AGTPBP1: variants seen among roughly 807,000 people sequenced by gnomAD.
The protein encoded by AGTPBP1 is cytosolic carboxypeptidase 1.
A neutral mutation model predicts 143.9 loss-of-function variants in AGTPBP1; 70 were observed. The ratio of observed to expected loss-of-function variants is 0.49; its 90% confidence interval spans 0.40 to 0.59. AGTPBP1 has a LOEUF of 0.59. AGTPBP1 is among the 20% of genes least tolerant of loss of function. The pLI, the probability that AGTPBP1 is intolerant of heterozygous loss-of-function variation, is 0.00. For synonymous variants in AGTPBP1, 463 were observed against 500.2 expected, an observed-to-expected ratio of 0.93 and a Z score of 0.99; for missense variants, 1,229 against 1,464.5, an observed-to-expected ratio of 0.84 and a Z score of 2.62.
intron 17 of AGTPBP1, among the ~76,000 whole-genome samples, chr9:85,611,263 G>A (rs1587733947): frequency 1.6e-5 from 2 of 128,146 alleles, no homozygotes; most frequent in East Asian, 4.5e-4. Context: ...AAAATAGAAA[G>A]CATAAAAACC....
chr9:85,609,113 G>A (rs560876195), intron 17 of AGTPBP1, among the ~76,000 whole-genome samples: 19 of 152,136 alleles, frequency 1.2e-4, no homozygotes, highest in African/African-American at 4.6e-4. Flanking sequence ...GTGTATGTGT[G>A]TTTGTGTGAT....
intron 3 of AGTPBP1, among the ~76,000 whole-genome samples, chr9:85,689,437 T>A (rs372519615): frequency 2.0e-5 from 3 of 152,208 alleles, no homozygotes; most frequent in African/African-American, 7.2e-5. Flanking sequence ...TTATTCATAA[T>A]AGCTGCATAA....
intron 12 of AGTPBP1, among the ~76,000 whole-genome samples, chr9:85,644,415 T>G (rs1201578879): frequency 1.3e-5 from 2 of 148,656 alleles, no homozygotes; most frequent in Non-Finnish European, 3.0e-5. Context: ...TGGCCTTACA[T>G]AGTGGCTATT....
intron 18 of AGTPBP1, among the ~76,000 whole-genome samples, chr9:85,593,571 T>G (rs970356187): frequency 6.6e-6 from 1 of 152,320 alleles, no homozygotes. Flanking sequence ...AATCGCATTG[T>G]AGTTAAGATT....
Position 85,668,734 on chromosome 9 carries a change from G to A in AGTPBP1, c.662+751C>T, listed in dbSNP as rs927784958. ...TGGAAACAAATGAAACAAAAATGGT[G>A]GAATGTTCAGAATTGTTAAACACAA... On this transcript the variant is annotated intron_variant, in intron 8 of 25. Transcript: ENST00000357081. Among the ~76,000 whole-genome samples the A allele has an allele frequency of 4.0e-5, 6 of 150,956 alleles. No homozygotes were observed. The East Asian group carries it at 1.2e-3, about 29-fold the overall frequency.
At chr9:85,636,981 C>A (rs1456494493) in intron 13 of AGTPBP1, among the ~76,000 whole-genome samples, 1 of 151,600 alleles carries the variant, frequency 6.6e-6, no homozygotes, top group Non-Finnish European at 1.5e-5. Context: ...TACATACCAC[C>A]CAGCAAGTTC....
At chr9:85,752,908 G>C in the AGTPBP1 span, among the ~76,000 whole-genome samples, 1 of 152,138 alleles carries the variant, frequency 6.6e-6, no homozygotes, top group African/African-American at 2.4e-5. Flanking sequence ...CTAGCTACTT[G>C]GGAGGCTGAG....
chr9:85,607,951 C>G (rs956421210), intron 17 of AGTPBP1, among the ~76,000 whole-genome samples: 15 of 152,210 alleles, frequency 9.9e-5, no homozygotes, highest in African/African-American at 3.6e-4. Context: ...GCTGCGATTT[C>G]AGATTCAGAT....
chr9:85,632,154 T>C (rs1831720967), intron 14 of AGTPBP1, among the ~76,000 whole-genome samples: 1 of 152,104 alleles, frequency 6.6e-6, no homozygotes, highest in East Asian at 1.9e-4. Flanking sequence ...CAATGCGTAA[T>C]AATCACTTCA....
intron 1 of AGTPBP1, among the ~76,000 whole-genome samples, chr9:85,728,030 T>TATACACACACAC (rs71505763): frequency 1.6e-5 from 2 of 128,328 alleles, no homozygotes; most frequent in African/African-American, 5.8e-5. Flanking sequence ...TATATTTATA[T>TATACACACACAC]ACACACACAC....
At chr9:85,638,358 TAAAAAA>T (rs965140712) in intron 13 of AGTPBP1, among the ~76,000 whole-genome samples, 1 of 150,794 alleles carries the variant, frequency 6.6e-6, no homozygotes, top group African/African-American at 2.4e-5. Context: ...TTGATTAAAA[TAAAAAA>T]AAGACTGTAT....
chr9:85,704,934 C>T (rs2134403721), intron 2 of AGTPBP1, among the ~76,000 whole-genome samples: 1 of 151,656 alleles, frequency 6.6e-6, no homozygotes, highest in South Asian at 2.1e-4. Flanking sequence ...AGATAAACAG[C>T]AAATTTTATG....
At chr9:85,738,852 C>T (rs1426709196) in intron 1 of AGTPBP1, among the ~76,000 whole-genome samples, 1 of 151,984 alleles carries the variant, frequency 6.6e-6, no homozygotes, top group Admixed American at 6.6e-5. Context: ...ACTGCTCCAT[C>T]CCCCAAAAGT....
At chr9:85,725,208 G>A (rs1186183807) in intron 1 of AGTPBP1, among the ~76,000 whole-genome samples, 3 of 152,212 alleles carry the variant, frequency 2.0e-5, no homozygotes, top group South Asian at 2.1e-4. Context: ...TGTATGAAGA[G>A]GTCCCAGAGT....
At chr9:85,580,738 G>C (rs1176185316) in intron 23 of AGTPBP1, among the ~76,000 whole-genome samples, 1 of 152,128 alleles carries the variant, frequency 6.6e-6, no homozygotes. Flanking sequence ...CTTATTAAAT[G>C]ACTATCAACA....
intron 1 of AGTPBP1, among the ~76,000 whole-genome samples, chr9:85,736,625 G>A (rs1387385476): frequency 3.3e-5 from 5 of 152,016 alleles, no homozygotes; most frequent in African/African-American, 1.2e-4. Context: ...TTAATCAAAC[G>A]TTTGTGAGAA....
Position 85,646,385 on chromosome 9 carries a change from T to C in AGTPBP1, c.1121A>G (p.Asp374Gly), listed in dbSNP as rs1026610623. The C allele has an allele frequency of 6.2e-7, 1 of 1,613,074 alleles. No homozygotes were observed. The highest frequency in any genetic ancestry group is 8.5e-7 in the Non-Finnish European group (1 of 1,179,732). ...DDVVDESDDNDDIDVEAENET... is the reference protein window; with the variant it reads ...DDVVDESDDNGDIDVEAENET... ...GTTTTCAGCTTCTACATCAATATCA[T>C]CGTTGTCATCACTTTCATCTACTAC... Residue 374 changes from aspartate to glycine, a missense_variant, in exon 12 of 26, where the codon GAT becomes GGT. Asp to Gly is a moderately conservative substitution (Grantham distance 94). Around this residue, in one of 2 missense-constraint regions of AGTPBP1, gnomAD observed 743 missense variants for 812.2 expected, o/e 0.91. Transcript: ENST00000357081.
the AGTPBP1 span, among the ~76,000 whole-genome samples, chr9:85,755,033 TATA>T: frequency 6.6e-6 from 1 of 152,236 alleles, no homozygotes; most frequent in African/African-American, 2.4e-5. Context: ...GTAGAGCTAC[TATA>T]ATATTTTAGG....
chr9:85,687,605 TA>T (rs570666483), intron 3 of AGTPBP1, among the ~76,000 whole-genome samples: 2,013 of 146,604 alleles, frequency 0.014, 20 homozygotes, highest in Non-Finnish European at 0.022. Context: ...AACACACTTC[TA>T]AAAAAAAAAT....
Sources: allele counts gnomAD v4.1 joint callset (sites outside exome capture counted in the v4.1 genomes callset), GRCh38; gene constraint gnomAD v4.1.1; regional missense constraint gnomAD v4.1.1; transcripts MANE v1.5; gene names NCBI Gene and HGNC (gene_info 2026-07-23, HGNC 2026-07-21).